The following PTPRM variants were observed in gnomAD, a reference collection of about 807,000 sequenced individuals.
The protein encoded by PTPRM is protein tyrosine phosphatase receptor type M.
In PTPRM, 47 loss-of-function variants were observed where a neutral mutation model predicts 186.7. The observed-to-expected ratio is 0.25, with a 90% CI of 0.20 to 0.32. PTPRM has a LOEUF of 0.32. PTPRM is among the 10% of genes least tolerant of loss of function. PTPRM has a pLI of 1.00. For synonymous variants in PTPRM, 668 were observed against 674.9 expected, an observed-to-expected ratio of 0.99 and a Z score of 0.16; for missense variants, 1,494 against 1,865.0, an observed-to-expected ratio of 0.80 and a Z score of 3.66.
chr18:8,379,415 C>G, intron 28 of PTPRM, 75 bp downstream of exon 28: 2 of 1,372,416 alleles, frequency 1.5e-6, no homozygotes, highest in Non-Finnish European at 1.9e-6. Flanking sequence ...TGGGTCTTCC[C>G]CATTCTGCTC....
intron 20 of PTPRM, among the ~76,000 whole-genome samples, chr18:8,297,931 T>C (rs2095114444): frequency 6.6e-6 from 1 of 152,220 alleles, no homozygotes; most frequent in Non-Finnish European, 1.5e-5. Context: ...GATGCTGTCC[T>C]GAGGTCTAGG....
chr18:8,400,313 G>A (rs1310034997), intron 32 of PTPRM, among the ~76,000 whole-genome samples: 2 of 152,244 alleles, frequency 1.3e-5, no homozygotes, highest in East Asian at 1.9e-4. Context: ...GCAGCCGAGT[G>A]TTAAAAGCCC....
intron 13 of PTPRM, among the ~76,000 whole-genome samples, chr18:8,124,481 C>T (rs984037449): frequency 2.6e-5 from 4 of 152,116 alleles, no homozygotes; most frequent in Non-Finnish European, 5.9e-5. Context: ...AGGTATGAAT[C>T]GACCAACTCT....
chr18:8,012,839 T>G (rs1377521162), intron 7 of PTPRM, among the ~76,000 whole-genome samples: 1 of 152,242 alleles, frequency 6.6e-6, no homozygotes, highest in East Asian at 1.9e-4. Context: ...ATTGAATTTT[T>G]TATTTTTCAA....
intron 23 of PTPRM, among the ~76,000 whole-genome samples, chr18:8,349,607 T>C (rs1043794663): frequency 6.6e-6 from 1 of 152,204 alleles, no homozygotes; most frequent in African/African-American, 2.4e-5. Context: ...GGCATTTAAC[T>C]GCTCATTGGC....
intron 1 of PTPRM, among the ~76,000 whole-genome samples, chr18:7,598,729 G>A (rs2037326520): frequency 6.8e-6 from 1 of 146,892 alleles, no homozygotes; most frequent in African/African-American, 2.5e-5. Flanking sequence ...TGTTATCTTA[G>A]TGTTTGTTTT....
In PTPRM at chr18:8,307,795, ACT is replaced by A. The variant is rs553656829; in HGVS notation, c.2843-6983_2843-6982del. On this transcript the variant is annotated intron_variant, in intron 20 of 32. Coordinates refer to ENST00000580170, the MANE Select transcript of PTPRM (RefSeq NM_001105244.2). ...CTCCAGCCTGGGCAACAAGAGTGAAACTCTGTCTCAAAAAAAAAAAATAAAAA... is the reference window on the plus strand; with the variant it reads ...CTCCAGCCTGGGCAACAAGAGTGAAACTGTCTCAAAAAAAAAAAATAAAAA... Among the ~76,000 whole-genome samples the A allele has an allele frequency of 1.3e-3, 200 of 149,104 alleles. No homozygotes were observed. In the Middle Eastern group the frequency reaches 0.021, roughly 15 times the overall value.
Position 7,728,624 on chromosome 18 carries a change from T to A in PTPRM, c.74-45525T>A, listed in dbSNP as rs1380870322. The stretch of plus-strand genomic sequence containing the variant: ...AAGGGCAGGCAAACTGGGGCAGATG[T>A]TCTCCCTTTGGGTCTTGGGTTTCAT... On this transcript the variant is annotated intron_variant, in intron 1 of 32. Transcript: ENST00000580170. 9.2e-5 allele frequency among the ~76,000 whole-genome samples: 14 copies of A among 152,328 alleles called. No homozygotes were observed. The East Asian group carries it at 2.3e-3, about 25-fold the overall frequency.
chr18:7,787,315 A>G (rs2043138702), intron 2 of PTPRM, among the ~76,000 whole-genome samples: 1 of 152,216 alleles, frequency 6.6e-6, no homozygotes, highest in African/African-American at 2.4e-5. Flanking sequence ...AATGCTGGGA[A>G]GAGATGAACT....
At chr18:7,983,489 A>G (rs2147481742) in intron 7 of PTPRM, among the ~76,000 whole-genome samples, 1 of 152,240 alleles carries the variant, frequency 6.6e-6, no homozygotes, top group Admixed American at 6.5e-5. Context: ...CTGTCCTGCC[A>G]TGGCACTTTC....
intron 1 of PTPRM, among the ~76,000 whole-genome samples, chr18:7,699,469 C>T (rs1050796952): frequency 6.6e-6 from 1 of 152,048 alleles, no homozygotes; most frequent in Non-Finnish European, 1.5e-5. Flanking sequence ...AGTAGAGTGG[C>T]GCGATCTCAG....
chr18:7,807,680 C>T (rs1471475993), intron 2 of PTPRM, among the ~76,000 whole-genome samples: 3 of 152,164 alleles, frequency 2.0e-5, no homozygotes, highest in Non-Finnish European at 4.4e-5. Context: ...ACAAGTGCAC[C>T]ACTCTGTTGA....
chr18:7,685,043 G>A (rs1167813912), intron 1 of PTPRM, among the ~76,000 whole-genome samples: 2 of 152,160 alleles, frequency 1.3e-5, no homozygotes, highest in African/African-American at 4.8e-5. Flanking sequence ...GCAAAATCAT[G>A]TTATGATCAT....
intron 2 of PTPRM, among the ~76,000 whole-genome samples, chr18:7,808,120 C>T (rs936544786): frequency 1.3e-5 from 2 of 152,208 alleles, no homozygotes; most frequent in Non-Finnish European, 2.9e-5. Flanking sequence ...TATAGGCAGT[C>T]TCCAAACCGT....
rs570798508 is a variant in PTPRM at position 7,793,301 on chromosome 18, G to A, written c.196+19030G>A. 3.3e-5 allele frequency among the ~76,000 whole-genome samples: 5 copies of A among 152,252 alleles called. No individual in the cohort carries two copies. In the South Asian group the frequency reaches 6.2e-4, roughly 19 times the overall value. On this transcript the variant is annotated intron_variant, in intron 2 of 32. Transcript: ENST00000580170. Reference sequence around the variant, plus strand: ...GACTTCTCTGAGCCTCGGTTTATTCGTCTGTAAAATGGGGAAGTTTATGAC... The same window carrying A: ...GACTTCTCTGAGCCTCGGTTTATTCATCTGTAAAATGGGGAAGTTTATGAC...
intron 2 of PTPRM, among the ~76,000 whole-genome samples, chr18:7,870,282 C>T (rs913456147): frequency 4.6e-5 from 7 of 152,226 alleles, no homozygotes; most frequent in Admixed American, 1.3e-4. Flanking sequence ...ACTTATGCTC[C>T]TAACTACCCC....
intron 1 of PTPRM, among the ~76,000 whole-genome samples, chr18:7,679,664 C>CA (rs1185063551): frequency 3.3e-5 from 5 of 151,530 alleles, no homozygotes; most frequent in Non-Finnish European, 5.9e-5. Flanking sequence ...GACTCTGTCT[C>CA]AAAAACAAAC....
intron 13 of PTPRM, among the ~76,000 whole-genome samples, chr18:8,126,013 A>ATG (rs2092343847): frequency 8.9e-5 from 2 of 22,418 alleles, no homozygotes; most frequent in African/African-American, 2.6e-4. Context: ...ATATATATAT[A>ATG]TATATATATA....
intron 3 of PTPRM, among the ~76,000 whole-genome samples, chr18:7,898,281 G>A (rs1326053236): frequency 6.6e-5 from 10 of 152,174 alleles, no homozygotes; most frequent in African/African-American, 1.4e-4. Flanking sequence ...GAGAACCAAC[G>A]TTTAATCCCC....
Sources: allele counts gnomAD v4.1 joint callset (sites outside exome capture counted in the v4.1 genomes callset), GRCh38; gene constraint gnomAD v4.1.1; transcripts MANE v1.5; gene names NCBI Gene and HGNC (gene_info 2026-07-23, HGNC 2026-07-21).